C8orf34: variants seen among roughly 807,000 people sequenced by gnomAD.
C8orf34 encodes uncharacterized protein C8orf34.
Under a neutral mutation model 68.3 loss-of-function variants are expected in C8orf34, and 65 were observed. The observed-to-expected ratio is 0.95, with a 90% CI of 0.78 to 1.17. The LOEUF (loss-of-function observed/expected upper bound fraction) is 1.17, where lower values mean the gene tolerates loss of function less well. C8orf34 is among the 50% of genes most tolerant of loss of function. The pLI is 0.00. For synonymous variants in C8orf34, 244 were observed against 241.2 expected (o/e 1.01, Z -0.11); for missense variants, 664 against 655.4 (o/e 1.01, Z -0.14).
chr8:68,370,309 T>C (rs1289493416), intron 1 of C8orf34, among the ~76,000 whole-genome samples: 1 of 152,172 alleles, frequency 6.6e-6, no homozygotes, highest in African/African-American at 2.4e-5. Context: ...TATTATTTTG[T>C]CTCTGTTGCC....
At chr8:68,474,737 G>T (rs959980575) in intron 4 of C8orf34, among the ~76,000 whole-genome samples, 1 of 152,166 alleles carries the variant, frequency 6.6e-6, no homozygotes, top group African/African-American at 2.4e-5. Flanking sequence ...GACTTTTAAG[G>T]TCACTGCGGA....
At chr8:68,457,498 G>C (rs1811603367) in intron 3 of C8orf34, among the ~76,000 whole-genome samples, 1 of 152,100 alleles carries the variant, frequency 6.6e-6, no homozygotes, top group East Asian at 1.9e-4. Context: ...AAGTTATTTT[G>C]GTTCAAAGGA....
At chr8:68,673,258 G>T (rs546206939) in intron 8 of C8orf34, among the ~76,000 whole-genome samples, 1 of 151,876 alleles carries the variant, frequency 6.6e-6, no homozygotes, top group South Asian at 2.1e-4. Context: ...GAGTAAAGGA[G>T]ACTTTGTTTT....
intron 7 of C8orf34, among the ~76,000 whole-genome samples, chr8:68,591,692 A>G (rs1817392492): frequency 1.3e-5 from 2 of 152,218 alleles, no homozygotes; most frequent in Admixed American, 6.5e-5. Flanking sequence ...TCCCAAACAC[A>G]TGTCATGTGA....
chr8:68,790,276 T>C (rs975441320), intron 12 of C8orf34, among the ~76,000 whole-genome samples: 5 of 152,334 alleles, frequency 3.3e-5, no homozygotes, highest in African/African-American at 1.2e-4. Context: ...ACATAAATCT[T>C]TGTGAGCCCA....
At chr8:68,707,001 T>C (rs532433596) in intron 8 of C8orf34, among the ~76,000 whole-genome samples, 124 of 152,282 alleles carry the variant, frequency 8.1e-4, no homozygotes, top group Non-Finnish European at 1.3e-3. Flanking sequence ...CTGTTTAATA[T>C]GGAAAAGGAG....
chr8:68,618,550 A>G (rs1818296937), intron 7 of C8orf34, among the ~76,000 whole-genome samples: 1 of 151,840 alleles, frequency 6.6e-6, no homozygotes, highest in African/African-American at 2.4e-5. Context: ...GGGCCTCTCT[A>G]TTTTGCTCAG....
At chr8:68,548,599 A>G (rs930510471) in intron 7 of C8orf34, among the ~76,000 whole-genome samples, 1 of 151,844 alleles carries the variant, frequency 6.6e-6, no homozygotes, top group Non-Finnish European at 1.5e-5. Context: ...AAATTTTACA[A>G]TCACTTTGTA....
intron 10 of C8orf34, among the ~76,000 whole-genome samples, chr8:68,741,766 C>T (rs1051346778): frequency 6.6e-6 from 1 of 152,178 alleles, no homozygotes; most frequent in African/African-American, 2.4e-5. Context: ...ACATTATCTC[C>T]TCCAGATCCA....
chr8:68,564,988 C>A (rs1444848289), intron 7 of C8orf34, among the ~76,000 whole-genome samples: 1 of 152,180 alleles, frequency 6.6e-6, no homozygotes, highest in Admixed American at 6.5e-5. Context: ...CCTGCCATTT[C>A]CAGGCATCAG....
At chr8:68,366,639 A>C (rs1173892583) in intron 1 of C8orf34, among the ~76,000 whole-genome samples, 45 of 151,062 alleles carry the variant, frequency 3.0e-4, no homozygotes, top group African/African-American at 6.1e-4. Flanking sequence ...GAAAAACAAG[A>C]AATGGGGAAA....
chr8:68,684,089 T>C (rs1028315636), intron 8 of C8orf34, among the ~76,000 whole-genome samples: 6 of 152,218 alleles, frequency 3.9e-5, no homozygotes, highest in Admixed American at 3.9e-4. Flanking sequence ...ACTTCCTCTA[T>C]CTTGTTTGTT....
intron 7 of C8orf34, among the ~76,000 whole-genome samples, chr8:68,613,521 T>A (rs1818092717): frequency 6.7e-6 from 1 of 149,746 alleles, no homozygotes; most frequent in Non-Finnish European, 1.5e-5. Context: ...TTCCCATCTA[T>A]GAGTGAGAAC....
At chr8:68,366,640 A>C (rs1374403048) in intron 1 of C8orf34, among the ~76,000 whole-genome samples, 3 of 151,062 alleles carry the variant, frequency 2.0e-5, no homozygotes, top group African/African-American at 7.3e-5. Flanking sequence ...AAAAACAAGA[A>C]ATGGGGAAAG....
chr8:68,787,924 TGAA>T (rs1436735785), intron 12 of C8orf34, among the ~76,000 whole-genome samples: 1 of 152,182 alleles, frequency 6.6e-6, no homozygotes, highest in East Asian at 1.9e-4. Flanking sequence ...ATTAGTTAAA[TGAA>T]GATATTTACA....
intron 6 of C8orf34, among the ~76,000 whole-genome samples, chr8:68,526,690 A>G (rs1225878630): frequency 6.6e-6 from 1 of 151,462 alleles, no homozygotes; most frequent in Non-Finnish European, 1.5e-5. Context: ...TGGAGTCAAA[A>G]AAAAAAAAAA....
chr8:68,454,685 C>T (rs1218227503), intron 3 of C8orf34, among the ~76,000 whole-genome samples: 3 of 151,844 alleles, frequency 2.0e-5, no homozygotes, highest in Non-Finnish European at 4.4e-5. Context: ...TTTCATCTTT[C>T]TAAAGAACCA....
intron 7 of C8orf34, among the ~76,000 whole-genome samples, chr8:68,565,835 C>T (rs1816571480): frequency 6.6e-6 from 1 of 152,024 alleles, no homozygotes; most frequent in African/African-American, 2.4e-5. Context: ...AGAAATTTTT[C>T]TAAATGGAAC....
At chr8:68,593,695 A>AT (rs1358307479) in intron 7 of C8orf34, among the ~76,000 whole-genome samples, 4 of 151,980 alleles carry the variant, frequency 2.6e-5, no homozygotes, top group Non-Finnish European at 4.4e-5. Flanking sequence ...TGTCTTGCCA[A>AT]AGATTTAGCT....
Sources: gnomAD v4.1 joint callset for allele counts (sites outside exome capture counted in the v4.1 genomes callset) on GRCh38, gnomAD v4.1.1 for gene constraint, MANE v1.5 for transcripts, NCBI Gene and HGNC (gene_info 2026-07-23, HGNC 2026-07-21) for gene names.